The following ADGRL3 variants were observed in gnomAD, a reference collection of about 807,000 sequenced individuals.
The protein encoded by ADGRL3 is adhesion G protein-coupled receptor L3, also known as calcium-independent alpha-latrotoxin receptor 3.
ADGRL3 carries 62 observed loss-of-function variants against 153.5 expected under a neutral mutation model. The ratio of observed to expected loss-of-function variants is 0.40; its 90% CI spans 0.33 to 0.50. The LOEUF (loss-of-function observed/expected upper bound fraction) is 0.50. Among genes scored for constraint, ADGRL3 ranks in the 20% least tolerant of loss-of-function variants. The pLI is 0.47. For synonymous variants in ADGRL3, 710 were observed against 672.5 expected, an observed-to-expected ratio of 1.06 and a Z score of -0.86; for missense variants, 1,641 against 1,859.4, an observed-to-expected ratio of 0.88 and a Z score of 2.16.
intron 2 of ADGRL3, among the ~76,000 whole-genome samples, chr4:61,471,079 A>T (rs1036732300): frequency 1.3e-5 from 2 of 151,812 alleles, no homozygotes; most frequent in South Asian, 2.1e-4. Context: ...CTGATATTTT[A>T]CTTTGTCCTT....
chr4:61,462,708 T>C (rs1028047804), intron 2 of ADGRL3, among the ~76,000 whole-genome samples: 4 of 152,146 alleles, frequency 2.6e-5, no homozygotes, highest in Non-Finnish European at 4.4e-5. Context: ...AAAAGTTATA[T>C]TGATAGTTTT....
At chr4:62,026,886 A>G (rs1718939386) in intron 21 of ADGRL3, among the ~76,000 whole-genome samples, 1 of 152,122 alleles carries the variant, frequency 6.6e-6, no homozygotes, top group South Asian at 2.1e-4. Context: ...TAACTGTTTT[A>G]CTATCTACAT....
At chr4:61,257,836 GGTGTGTGTGTGT>G (rs10635406) in intron 1 of ADGRL3, among the ~76,000 whole-genome samples, 2 of 150,528 alleles carry the variant, frequency 1.3e-5, no homozygotes, top group South Asian at 2.1e-4. Context: ...TTGAATTAGA[GGTGTGTGTGTGT>G]GTGTGTGTGT....
chr4:61,595,690 C>T (rs568312187), intron 5 of ADGRL3, among the ~76,000 whole-genome samples: 1 of 152,154 alleles, frequency 6.6e-6, no homozygotes, highest in Non-Finnish European at 1.5e-5. Context: ...AAGTCACATG[C>T]CACCCAAGTT....
chr4:61,844,970 C>A (rs2098096995), intron 9 of ADGRL3, among the ~76,000 whole-genome samples: 1 of 152,090 alleles, frequency 6.6e-6, no homozygotes, highest in East Asian at 1.9e-4. Context: ...ATGGTATCTA[C>A]CCACTCAATA....
At chr4:61,413,926 G>C (rs955149326) in intron 2 of ADGRL3, among the ~76,000 whole-genome samples, 3 of 152,160 alleles carry the variant, frequency 2.0e-5, no homozygotes, top group Non-Finnish European at 4.4e-5. Context: ...TTTATTCACA[G>C]AGAATACTGG....
intron 24 of ADGRL3, among the ~76,000 whole-genome samples, chr4:62,041,415 G>A (rs979201923): frequency 6.6e-6 from 1 of 151,602 alleles, no homozygotes; most frequent in African/African-American, 2.4e-5. Flanking sequence ...TTGATTTTTA[G>A]ATATATTTGC....
chr4:61,291,424 T>C (rs1478920181), intron 1 of ADGRL3, among the ~76,000 whole-genome samples: 2 of 151,758 alleles, frequency 1.3e-5, no homozygotes, highest in East Asian at 3.9e-4. Context: ...ACAAAGTGTA[T>C]GGGAGGATGT....
In ADGRL3 at chr4:61,679,928, C is replaced by T. The variant is rs542772742; in HGVS notation, c.583+2993C>T. Among the ~76,000 whole-genome samples, 5 of 152,004 alleles carry T rather than the reference C, an allele frequency of 3.3e-5. No homozygotes were observed. In the East Asian group the frequency reaches 9.7e-4, roughly 29 times the overall value. ...TGGTGAAAGAAAGTGTTTCAAGGGC[C>T]CAAGTCGTTTTTCTTAGTCCTTTAC... is the stretch of plus-strand genomic sequence containing the variant. On this transcript the variant is annotated intron_variant, in intron 6 of 26. Transcript: ENST00000683033.
At chr4:61,210,064 G>T (rs970817826) in intron 1 of ADGRL3, among the ~76,000 whole-genome samples, 2 of 152,214 alleles carry the variant, frequency 1.3e-5, no homozygotes, top group East Asian at 3.9e-4. Context: ...TGAAATTTTA[G>T]AATTGACATA....
intron 1 of ADGRL3, among the ~76,000 whole-genome samples, chr4:61,236,864 A>G (rs1753048579): frequency 6.6e-6 from 1 of 152,146 alleles, no homozygotes; most frequent in Admixed American, 6.6e-5. Flanking sequence ...TGATGAAATC[A>G]TTATTGTAAA....
chr4:61,699,984 A>G (rs2151288356), intron 6 of ADGRL3, among the ~76,000 whole-genome samples: 1 of 151,956 alleles, frequency 6.6e-6, no homozygotes, highest in East Asian at 1.9e-4. Context: ...ACACACAGAG[A>G]GAGAGAGAGA....
chr4:61,536,085 C>A (rs569302254), intron 4 of ADGRL3, among the ~76,000 whole-genome samples: 3 of 151,826 alleles, frequency 2.0e-5, no homozygotes, highest in East Asian at 1.9e-4. Context: ...GTATGTTATG[C>A]CTTTTATATG....
Position 61,934,925 on chromosome 4 carries a change from C to T in ADGRL3, c.2198C>T (p.Ala733Val), listed in dbSNP as rs768679654. ...RDLTTSDQLR[A>V]ATMLLHTVEE... ...CTGACTACGAGTGATCAGCTGCGTG[C>T]GGCCACCATGTTGCTTCATACTGTG... The change falls in exon 14 of 27, where the codon GCG becomes GTG. Residue 733 changes from alanine (A) to valine (V), a missense_variant. This residue lies in a region of ADGRL3 where 734 missense variants were observed against 797.0 expected (regional missense o/e 0.92). Coordinates refer to ENST00000683033, the MANE Select transcript of ADGRL3 (RefSeq NM_001387552.1). 45 of 1,613,644 alleles carry T rather than the reference C, an allele frequency of 2.8e-5. No individual in the cohort carries two copies. The South Asian group carries it at 3.2e-4, about 11-fold the overall frequency.
At chr4:61,283,280 A>C (rs2093796267) in intron 1 of ADGRL3, among the ~76,000 whole-genome samples, 1 of 151,986 alleles carries the variant, frequency 6.6e-6, no homozygotes, top group Admixed American at 6.6e-5. Flanking sequence ...TTTAACTCAA[A>C]CTTCTGTTTT....
At chr4:61,946,365 T>C (rs1457005500) in intron 15 of ADGRL3, among the ~76,000 whole-genome samples, 1 of 152,202 alleles carries the variant, frequency 6.6e-6, no homozygotes, top group East Asian at 1.9e-4. Context: ...TTATTTATTT[T>C]TCTAAAGTGT....
intron 1 of ADGRL3, among the ~76,000 whole-genome samples, chr4:61,369,606 T>C (rs1313533809): frequency 6.6e-6 from 1 of 152,176 alleles, no homozygotes; most frequent in Admixed American, 6.5e-5. Context: ...GATAAGCTTT[T>C]TGATGTGCTG....
intron 9 of ADGRL3, among the ~76,000 whole-genome samples, chr4:61,861,111 G>C (rs1031642481): frequency 6.6e-6 from 1 of 152,116 alleles, no homozygotes; most frequent in African/African-American, 2.4e-5. Flanking sequence ...GTGTCCACTT[G>C]TTTATTAAGA....
At chr4:61,591,831 C>T (rs1452598943) in intron 5 of ADGRL3, among the ~76,000 whole-genome samples, 1 of 151,822 alleles carries the variant, frequency 6.6e-6, no homozygotes, top group East Asian at 1.9e-4. Context: ...AATCGCAGCC[C>T]TTTGGGAGGC....
Sources: gnomAD v4.1 joint callset for allele counts (sites outside exome capture counted in the v4.1 genomes callset) on GRCh38, gnomAD v4.1.1 for gene constraint, gnomAD v4.1.1 regional missense constraint, MANE v1.5 for transcripts, NCBI Gene and HGNC (gene_info 2026-07-23, HGNC 2026-07-21) for gene names.